Variants in MATR3 observed in about 807,000 individuals in gnomAD.
The protein encoded by MATR3 is matrin 3.
MATR3 carries 4 observed loss-of-function variants against 85.5 expected under a neutral mutation model. The observed-to-expected ratio is 0.05, with a 90% CI of 0.02 to 0.11. The LOEUF is 0.11. Among genes scored for constraint, MATR3 ranks in the 10% least tolerant of loss-of-function variants. MATR3 has a pLI of 1.00. For synonymous variants in MATR3, 336 were observed against 343.1 expected (o/e 0.98, Z 0.23); for missense variants, 685 against 1,016.1 (o/e 0.67, Z 4.43).
At chr5:139,294,103 G>T (rs943760370) in intron 1 of MATR3, 60 of 1,228,748 alleles carry the variant, frequency 4.9e-5, no homozygotes, top group South Asian at 3.1e-4. Context: ...GTGAAGAGGT[G>T]CGCTGACCGG....
At chr5:139,280,029 G>T (rs955469478) in intron 3 of MATR3, 1 of 152,206 alleles carries the variant, frequency 6.6e-6, no homozygotes, top group African/African-American at 2.4e-5. Flanking sequence ...TTCTAGAGCA[G>T]GGATCAGCAA....
upstream of MATR3, among the ~76,000 whole-genome samples, chr5:139,289,277 G>C (rs1753800434): frequency 6.6e-6 from 1 of 152,164 alleles, no homozygotes; most frequent in Non-Finnish European, 1.5e-5. Flanking sequence ...TCCTTGCCTG[G>C]GCGTGGTGGC....
chr5:139,311,970 T>C (rs920437002), intron 2 of MATR3: 1 of 151,884 alleles, frequency 6.6e-6, no homozygotes, highest in Non-Finnish European at 1.5e-5. Flanking sequence ...GGTTTCACCA[T>C]GTTAGCCAGG....
At chr5:139,281,854 T>C (rs1258237170) in intron 3 of MATR3, among the ~76,000 whole-genome samples, 1 of 152,070 alleles carries the variant, frequency 6.6e-6, no homozygotes, top group Non-Finnish European at 1.5e-5. Flanking sequence ...TAAGGAGGGT[T>C]TCCAAACACC....
At chr5:139,316,448 G>T (rs1186107367) in intron 5 of MATR3, among the ~76,000 whole-genome samples, 1 of 151,990 alleles carries the variant, frequency 6.6e-6, no homozygotes, top group Admixed American at 6.6e-5. Context: ...GTTTCACCGC[G>T]TTGGCCAGAC....
At position 139,307,423 on chromosome 5, in the gene MATR3, A is replaced by G. The variant is rs1754766795; in HGVS notation, c.8A>G (p.Lys3Arg). The change falls in exon 2 of 15, where the codon AAG (lysine) becomes AGG (arginine). Residue 3 changes from lysine (K) to arginine (R), a missense_variant. Lys to Arg is a conservative substitution (Grantham distance 26, BLOSUM62 2). Transcript: ENST00000394805. The surrounding 1 kb of genome is among the most constrained non-coding windows in gnomAD (Gnocchi z 4.4). ...ACAAGAGCTAGTTCTACAATGTCCA[A>G]GTCATTCCAGCAGTCATCTCTCAGT... MS[K>R]SFQQSSLSRD... is the part of the protein sequence containing the mutation. 1 of 1,613,870 alleles carries G rather than the reference A, an allele frequency of 6.2e-7. No individual in the cohort carries two copies. The highest frequency in any genetic ancestry group is 8.5e-7 in the Non-Finnish European group (1 of 1,179,880).
chr5:139,278,463 G>T, intron 2 of MATR3: 1 of 427,112 alleles, frequency 2.3e-6, no homozygotes, highest in Non-Finnish European at 4.8e-6. Flanking sequence ...CAGGCCTGTG[G>T]GCTAGTTGGT....
At chr5:139,314,823 A>G in intron 3 of MATR3, 87 bp downstream of exon 3, 1 of 1,145,552 alleles carries the variant, frequency 8.7e-7, no homozygotes, top group Non-Finnish European at 1.3e-6. Context: ...ATTTACTTGT[A>G]ATATCCACAA....
chr5:139,298,779 A>T (rs1051299620), intron 1 of MATR3, among the ~76,000 whole-genome samples: 1 of 152,176 alleles, frequency 6.6e-6, no homozygotes, highest in African/African-American at 2.4e-5. Context: ...ATGGAGGAGG[A>T]AGTTTTGCAG....
At chr5:139,282,382 G>A in intron 3 of MATR3, among the ~76,000 whole-genome samples, 1 of 152,226 alleles carries the variant, frequency 6.6e-6, no homozygotes, top group East Asian at 1.9e-4. Context: ...CCTAAGGCTT[G>A]TTCAGAGGAG....
intron 1 of MATR3, chr5:139,274,350 C>A: frequency 2.9e-6 from 1 of 344,648 alleles, no homozygotes; most frequent in East Asian, 7.6e-5. Context: ...ATCCCTCTTC[C>A]CTCTTCTCCC....
At chr5:139,325,809 C>T (rs1361915357) in intron 13 of MATR3, 147 bp downstream of exon 13, 4 of 723,960 alleles carry the variant, frequency 5.5e-6, no homozygotes, top group Non-Finnish European at 9.5e-6. Context: ...ATTTATAAAT[C>T]TTAATTGATA....
rs542562479 is a variant in MATR3 at position 139,315,821 on chromosome 5, A to T, written c.1016+83A>T. On this transcript the variant is annotated intron_variant, in intron 4 of 14. Coordinates refer to ENST00000394805, the MANE Select transcript of MATR3 (RefSeq NM_018834.6). ...TTTCACTTTCAACATTTCATAAACA[A>T]AGTATTTTCAGAATTTCTTTACTGA... is the stretch of plus-strand genomic sequence containing the variant. 117 of 1,168,818 alleles carry T rather than the reference A, an allele frequency of 1.0e-4. No individual in the cohort carries two copies. The highest frequency in any genetic ancestry group is 4.1e-4 in the African/African-American group (27 of 65,762). The allele number at this position is 1,168,818 out of a possible 1,614,324, so 72.4% of individuals were successfully genotyped here. A position where few individuals can be genotyped will look rare whatever the true frequency, so the allele number is the denominator to read the frequency against.
rs776817440 is a variant in MATR3, at chr5:139,319,077, AT to A, written c.1434+48del. On this transcript the variant is annotated intron_variant, in intron 8 of 14. Coordinates refer to ENST00000394805, the MANE Select transcript of MATR3 (RefSeq NM_018834.6). ...AAGCTGTATATCAGTTTAACAAATG[AT>A]TTTAATAGTTATTAACTGTGGTTAT... is the stretch of plus-strand genomic sequence containing the variant. The A allele has an allele frequency of 1.1e-5, 17 of 1,568,188 alleles. 1 individual carries two copies. The Middle Eastern group carries it at 1.2e-3, about 107-fold the overall frequency.
intron 9 of MATR3, among the ~76,000 whole-genome samples, chr5:139,320,940 T>C (rs1755533902): frequency 6.6e-6 from 1 of 150,472 alleles, no homozygotes; most frequent in Non-Finnish European, 1.5e-5. Flanking sequence ...TTTTGTATTT[T>C]TACTAGAGAC....
Position 139,316,194 on chromosome 5 carries a change from T to C in MATR3, c.1129+6T>C, listed in dbSNP as rs568749202. On this transcript the variant is annotated splice_donor_region_variant and intron_variant, in intron 5 of 14. Coordinates refer to ENST00000394805, the MANE Select transcript of MATR3 (RefSeq NM_018834.6). ...TGGACCAAGAGGAAATCTGGGTAAT[T>C]ATATAAAATTCATGTTACTTTTCCC... 3 of 1,548,350 alleles carry C rather than the reference T, an allele frequency of 1.9e-6. No homozygotes were observed. The South Asian group carries it at 3.4e-5, about 18-fold the overall frequency.
chr5:139,297,167 G>A (rs548594972), intron 1 of MATR3, among the ~76,000 whole-genome samples: 2 of 152,214 alleles, frequency 1.3e-5, no homozygotes, highest in South Asian at 4.2e-4. Context: ...AACAGAGCGG[G>A]ACTCCATCTC....
chr5:139,303,925 G>A (rs920613738), intron 1 of MATR3, among the ~76,000 whole-genome samples: 2 of 152,064 alleles, frequency 1.3e-5, no homozygotes, highest in African/African-American at 4.8e-5. Context: ...TCTGTTCTCC[G>A]TGAATTTTCA....
At chr5:139,298,975 C>A (rs1422866223) in intron 1 of MATR3, among the ~76,000 whole-genome samples, 2 of 152,144 alleles carry the variant, frequency 1.3e-5, no homozygotes, top group East Asian at 3.9e-4. Context: ...CAAGTCAGAA[C>A]AGTACATTTT....
Sources: gnomAD v4.1 joint callset for allele counts (sites outside exome capture counted in the v4.1 genomes callset) on GRCh38, gnomAD v4.1.1 for gene constraint, Gnocchi (gnomAD v3.1) non-coding constraint, MANE v1.5 for transcripts, NCBI Gene and HGNC (gene_info 2026-07-23, HGNC 2026-07-21) for gene names.